DTWD2: variants seen among roughly 807,000 people sequenced by gnomAD.
DTWD2 encodes the protein DTW motif tRNA-uridine aminocarboxypropyltransferase 2.
A neutral mutation model predicts 31.8 loss-of-function variants in DTWD2; 39 were observed. The ratio of observed to expected loss-of-function variants is 1.22; its 90% CI spans 0.95 to 1.60. DTWD2 has a LOEUF of 1.60. Among genes scored for constraint, DTWD2 ranks in the 40% most tolerant of loss-of-function variants. The pLI is 0.00. For synonymous variants in DTWD2, 180 were observed against 142.8 expected, an observed-to-expected ratio of 1.26 and a Z score of -1.86; for missense variants, 515 against 381.5, an observed-to-expected ratio of 1.35 and a Z score of -2.92.
chr5:118,982,547 GAACA>G (rs769904755), intron 1 of DTWD2, among the ~76,000 whole-genome samples: 31 of 151,874 alleles, frequency 2.0e-4, no homozygotes, highest in Non-Finnish European at 3.4e-4. Flanking sequence ...TAACAGGAAA[GAACA>G]AACTAATATA....
intron 4 of DTWD2, among the ~76,000 whole-genome samples, chr5:118,855,060 G>A (rs954749067): frequency 4.2e-4 from 63 of 151,220 alleles, no homozygotes; most frequent in African/African-American, 1.4e-3. Flanking sequence ...CCAGTTACTC[G>A]GGAGTCTGAG....
intron 1 of DTWD2, among the ~76,000 whole-genome samples, chr5:118,952,984 C>A (rs548189487): frequency 6.6e-6 from 1 of 152,200 alleles, no homozygotes; most frequent in Non-Finnish European, 1.5e-5. Context: ...CTTCCTCTCA[C>A]TTCTAGATGA....
intron 4 of DTWD2, among the ~76,000 whole-genome samples, chr5:118,885,073 C>A (rs7716337): frequency 0.01 from 1,513 of 149,952 alleles, 31 homozygotes; most frequent in African/African-American, 0.036. Context: ...CTTTGGGAAG[C>A]CAAGGCAGGA....
intron 4 of DTWD2, among the ~76,000 whole-genome samples, chr5:118,867,025 A>T (rs900280299): frequency 2.6e-5 from 4 of 152,170 alleles, no homozygotes; most frequent in African/African-American, 9.7e-5. Flanking sequence ...TTGAAAAGAC[A>T]TTTTTAGGCT....
chr5:118,950,206 C>G (rs1476432484), intron 1 of DTWD2, among the ~76,000 whole-genome samples: 2 of 131,170 alleles, frequency 1.5e-5, no homozygotes, highest in African/African-American at 3.1e-5. Flanking sequence ...GAGTGAGACT[C>G]CATCTCCAAA....
chr5:118,873,173 G>A (rs1309169143), intron 4 of DTWD2, among the ~76,000 whole-genome samples: 1 of 152,232 alleles, frequency 6.6e-6, no homozygotes, highest in Non-Finnish European at 1.5e-5. Context: ...AGAACCCAGA[G>A]GGTTTGGTGC....
At chr5:118,935,400 A>C (rs932933514) in intron 3 of DTWD2, among the ~76,000 whole-genome samples, 13 of 152,190 alleles carry the variant, frequency 8.5e-5, no homozygotes, top group African/African-American at 3.1e-4. Flanking sequence ...GGGAAGGGGC[A>C]GTCTTGGGAA....
chr5:118,888,077 T>TAC (rs397701373), intron 4 of DTWD2, among the ~76,000 whole-genome samples: 1 of 151,764 alleles, frequency 6.6e-6, no homozygotes, highest in Non-Finnish European at 1.5e-5. Context: ...GTTCCATTTA[T>TAC]GTTTTTAGTA....
intron 1 of DTWD2, among the ~76,000 whole-genome samples, chr5:118,974,348 T>C (rs1007691796): frequency 1.1e-4 from 17 of 152,156 alleles, no homozygotes; most frequent in Non-Finnish European, 1.9e-4. Context: ...TCCAAGGCCC[T>C]GCTTTTTTTC....
At chr5:118,850,051 T>TAAAATAA (rs1471914059) in intron 4 of DTWD2, among the ~76,000 whole-genome samples, 1 of 150,814 alleles carries the variant, frequency 6.6e-6, no homozygotes, top group African/African-American at 2.4e-5. Flanking sequence ...AAAAATAAAA[T>TAAAATAA]AAAATAAAAA....
intron 4 of DTWD2, among the ~76,000 whole-genome samples, chr5:118,879,385 T>C (rs1433906645): frequency 2.0e-5 from 3 of 152,066 alleles, no homozygotes; most frequent in East Asian, 1.9e-4. Context: ...TATTGGGCCT[T>C]TGACTTTGGG....
chr5:118,906,503 T>C (rs570659916), intron 4 of DTWD2, among the ~76,000 whole-genome samples: 3 of 152,264 alleles, frequency 2.0e-5, no homozygotes, highest in Non-Finnish European at 4.4e-5. Flanking sequence ...AACAATGGAA[T>C]ACCATTAAGA....
intron 4 of DTWD2, among the ~76,000 whole-genome samples, chr5:118,916,600 G>A (rs1252589562): frequency 6.6e-6 from 1 of 151,618 alleles, no homozygotes; most frequent in African/African-American, 2.4e-5. Context: ...GGGATGCGGA[G>A]GTTGCAGTGA....
At chr5:118,891,577 G>A (rs1448883375) in intron 4 of DTWD2, among the ~76,000 whole-genome samples, 1 of 152,160 alleles carries the variant, frequency 6.6e-6, no homozygotes, top group Non-Finnish European at 1.5e-5. Flanking sequence ...CTGAAAGAAT[G>A]CAAGCAATTA....
chr5:118,974,411 AT>A (rs1353724766), intron 1 of DTWD2, among the ~76,000 whole-genome samples: 1 of 152,326 alleles, frequency 6.6e-6, no homozygotes, highest in African/African-American at 2.4e-5. Context: ...TACATTTTAT[AT>A]TTTTGTACAT....
At chr5:118,842,394 T>TTAAA (rs1451940105) in intron 5 of DTWD2, among the ~76,000 whole-genome samples, 1 of 152,200 alleles carries the variant, frequency 6.6e-6, no homozygotes, top group Non-Finnish European at 1.5e-5. Flanking sequence ...TGTCCTTTTT[T>TTAAA]CCTGCCTAGA....
chr5:118,939,054 C>A, intron 3 of DTWD2, 142 bp downstream of exon 3: 1 of 537,204 alleles, frequency 1.9e-6, no homozygotes, highest in Non-Finnish European at 3.0e-6. Flanking sequence ...TTTGTGTGGT[C>A]AGGGGTTAGC....
intron 4 of DTWD2, among the ~76,000 whole-genome samples, chr5:118,854,082 TTAA>T (rs778442109): frequency 6.6e-6 from 1 of 152,184 alleles, no homozygotes; most frequent in Non-Finnish European, 1.5e-5. Flanking sequence ...CTTTGGTAAG[TTAA>T]TAAAGTTGAG....
In DTWD2 at chr5:118,855,192, T is replaced by C. The variant is rs184509199; in HGVS notation, c.598-6974A>G. On this transcript the variant is annotated intron_variant, in intron 4 of 5. Transcript: ENST00000510708. ...AAAAAAAAAAAATAATCATCATCAT[T>C]TTCGGACCTGTAACTTAGTGTAAAT... Among the ~76,000 whole-genome samples, 914 of 148,448 alleles carry C rather than the reference T, an allele frequency of 6.2e-3. 33 individuals carry two copies. The highest frequency in any genetic ancestry group is 0.056 in the Admixed American group (838 of 15,008).
Sources: allele counts gnomAD v4.1 joint callset (sites outside exome capture counted in the v4.1 genomes callset), GRCh38; gene constraint gnomAD v4.1.1; transcripts MANE v1.5; gene names NCBI Gene and HGNC (gene_info 2026-07-23, HGNC 2026-07-21).